The following ACOT1 variants were observed in gnomAD, a reference collection of about 807,000 sequenced individuals.
ACOT1 encodes the protein acyl-coenzyme A thioesterase 1.
ACOT1 carries 8 observed loss-of-function variants against 15.7 expected under a neutral mutation model. The ratio of observed to expected loss-of-function variants is 0.51; its 90% CI spans 0.30 to 0.92. The LOEUF is 0.92. ACOT1 is among the 40% of genes least tolerant of loss of function. ACOT1 has a pLI of 0.06. For missense variants in ACOT1, 151 were observed against 539.4 expected (o/e 0.28, Z 7.13); for synonymous variants, 67 against 241.2 (o/e 0.28, Z 6.69).
At chr14:73,527,032 C>T in the ACOT1 span, among the ~76,000 whole-genome samples, 4 of 151,984 alleles carry the variant, frequency 2.6e-5, no homozygotes, top group Non-Finnish European at 5.9e-5. Context: ...CCAAGGCCAC[C>T]AAAGATACAG....
At chr14:73,526,442 G>A in the ACOT1 span, among the ~76,000 whole-genome samples, 13,022 of 152,204 alleles carry the variant, frequency 0.086, 710 homozygotes, top group African/African-American at 0.15. Context: ...GTGTGTGACC[G>A]CGTGTGACAC....
At chr14:73,540,246 C>T (rs1566850051) in intron 1 of ACOT1, among the ~76,000 whole-genome samples, 2 of 151,410 alleles carry the variant, frequency 1.3e-5, no homozygotes, top group African/African-American at 4.8e-5. Context: ...AGGCATATTC[C>T]TTATAAGAGG....
At position 73,541,641 on chromosome 14, in the gene ACOT1, G is replaced by A. The variant is rs1267256130; in HGVS notation, c.606G>A (p.Thr202=). The change falls in exon 2 of 3, where the codon ACG becomes ACA. Residue 202 remains threonine (T), a synonymous_variant. Coordinates refer to ENST00000311148, the MANE Select transcript of ACOT1 (RefSeq NM_001037161.2). ...AAGACCTCCCCAAGACCATGGAGACGCTCCATCTGGAGTACTTTGAAGAAG... is the reference window on the plus strand; with the variant it reads ...AAGACCTCCCCAAGACCATGGAGACACTCCATCTGGAGTACTTTGAAGAAG... ...NYEDLPKTME[T]LHLEYFEEAV... The A allele has an allele frequency of 2.2e-5, 27 of 1,242,916 alleles. 6 individuals carry two copies. Among genetic ancestry groups the A allele is most frequent in the Non-Finnish European group, 2.5e-5 (23 of 935,850 alleles). 77.0% of individuals were successfully genotyped at this position (1,242,916 alleles called of 1,614,324 possible).
the ACOT1 span, among the ~76,000 whole-genome samples, chr14:73,501,973 C>T: frequency 6.6e-6 from 1 of 151,866 alleles, no homozygotes; most frequent in Admixed American, 6.6e-5. Context: ...TCTCGATCTC[C>T]TGACCTTGTG....
the ACOT1 span, among the ~76,000 whole-genome samples, chr14:73,504,805 GCA>G: frequency 6.6e-6 from 1 of 152,210 alleles, no homozygotes; most frequent in Non-Finnish European, 1.5e-5. Context: ...AGATGAAGTA[GCA>G]CATAGGAAGA....
At chr14:73,502,871 C>T in the ACOT1 span, 1 of 1,547,110 alleles carries the variant, frequency 6.5e-7, no homozygotes, top group South Asian at 1.1e-5. Flanking sequence ...AGAAGAGTGT[C>T]TCCTCATGTT....
chr14:73,509,852 A>ATT, the ACOT1 span, among the ~76,000 whole-genome samples: 12 of 60,048 alleles, frequency 2.0e-4, no homozygotes, highest in African/African-American at 7.7e-4. Context: ...ATATATATAT[A>ATT]TATATATATA....
chr14:73,491,646 T>C, the ACOT1 span: 4 of 1,549,888 alleles, frequency 2.6e-6, no homozygotes, highest in Non-Finnish European at 3.5e-6. Flanking sequence ...GAGTGGCTCA[T>C]CGCGCCCATG....
chr14:73,537,129 T>C, upstream of ACOT1: 3 of 311,660 alleles, frequency 9.6e-6, 1 homozygote, highest in South Asian at 3.7e-5. Flanking sequence ...GACGAACCAG[T>C]CCTGGCCCAG....
the ACOT1 span, chr14:73,512,144 CTA>C: frequency 6.2e-7 from 1 of 1,614,114 alleles, no homozygotes; most frequent in Non-Finnish European, 8.5e-7. Context: ...TGGTGCCACT[CTA>C]TGACTGAGCC....
chr14:73,511,992 G>T, the ACOT1 span: 13 of 1,613,666 alleles, frequency 8.1e-6, no homozygotes, highest in Non-Finnish European at 1.0e-5. Flanking sequence ...AAGCAGTTCA[G>T]CTTTGGCTCT....
the ACOT1 span, among the ~76,000 whole-genome samples, chr14:73,511,395 T>G: frequency 1.7e-3 from 261 of 151,906 alleles, 1 homozygote; most frequent in Middle Eastern, 6.8e-3. Context: ...CACGCCTGTA[T>G]GTAGTCCCAG....
the ACOT1 span, among the ~76,000 whole-genome samples, chr14:73,501,608 CTG>C: frequency 2.3e-5 from 3 of 128,276 alleles, no homozygotes; most frequent in African/African-American, 8.9e-5. Flanking sequence ...GGGTCTTTCT[CTG>C]TTGCCCAGGC....
At chr14:73,498,216 C>A in the ACOT1 span, 1 of 1,613,886 alleles carries the variant, frequency 6.2e-7, no homozygotes, top group Non-Finnish European at 8.5e-7. Flanking sequence ...CTGACCCGGT[C>A]CCCTTGAAGT....
At chr14:73,519,642 GA>G in the ACOT1 span, among the ~76,000 whole-genome samples, 3 of 152,202 alleles carry the variant, frequency 2.0e-5, no homozygotes, top group Non-Finnish European at 4.4e-5. Flanking sequence ...AGAATCAGTT[GA>G]GCCTGGGAGG....
chr14:73,491,756 C>T, the ACOT1 span: 1 of 1,562,208 alleles, frequency 6.4e-7, no homozygotes, highest in Non-Finnish European at 8.7e-7. Flanking sequence ...TACCGCTGAC[C>T]TGGATTCGAT....
the ACOT1 span, chr14:73,492,291 G>C: frequency 7.4e-6 from 12 of 1,614,006 alleles, no homozygotes; most frequent in Non-Finnish European, 1.0e-5. The surrounding 1 kb of genome is among the most constrained non-coding windows in gnomAD (Gnocchi z 4.9). Context: ...ACGTACCAGC[G>C]CAATACCTGG....
chr14:73,524,155 G>A, the ACOT1 span, among the ~76,000 whole-genome samples: 220 of 151,464 alleles, frequency 1.5e-3, 7 homozygotes, highest in East Asian at 0.038. Flanking sequence ...AGCCAGGCGC[G>A]GTGGCATGTG....
At chr14:73,509,429 C>T in the ACOT1 span, 1 of 1,614,070 alleles carries the variant, frequency 6.2e-7, no homozygotes, top group Non-Finnish European at 8.5e-7. Context: ...AGAGCAGCCT[C>T]TAGGGCAGGC....
Sources: allele counts gnomAD v4.1 joint callset (sites outside exome capture counted in the v4.1 genomes callset), GRCh38; gene constraint gnomAD v4.1.1; non-coding constraint Gnocchi (gnomAD v3.1); transcripts MANE v1.5; gene names NCBI Gene and HGNC (gene_info 2026-07-23, HGNC 2026-07-21).